Variants in C2CD5 observed in about 807,000 individuals in gnomAD.
C2CD5 encodes the protein C2 calcium dependent domain containing 5, also known as C2 domain-containing protein 5.
C2CD5 carries 109 observed loss-of-function variants against 130.3 expected under a neutral mutation model. The ratio of observed to expected loss-of-function variants is 0.84; its 90% CI spans 0.72 to 0.98. The LOEUF is 0.98. Ranked by LOEUF, C2CD5 falls within the 50% of genes least tolerant of loss-of-function variation. The pLI is 0.00. For missense variants in C2CD5, 996 were observed against 1,261.8 expected (o/e 0.79, Z 3.19); for synonymous variants, 454 against 429.2 (o/e 1.06, Z -0.71).
In C2CD5 at chr12:22,472,042, G is replaced by T; in HGVS notation, c.2193C>A (p.Ile731=). 4 of 1,590,888 alleles carry T rather than the reference G, an allele frequency of 2.5e-6. No homozygotes were observed. Among genetic ancestry groups the T allele is most frequent in the Non-Finnish European group, 3.4e-6 (4 of 1,162,820 alleles). Residue 731 remains isoleucine, a synonymous_variant, in exon 19 of 27, where the codon ATC becomes ATA. Coordinates refer to ENST00000446597, the MANE Select transcript of C2CD5 (RefSeq NM_001286176.2). ...TAGTCAGGTTGAGGCTGCTTAATCT[G>T]ATTACTCTTACTGAAGTGAACATCT... ...EIQMFTSVRV[I]RLSSLNLTNQ...
At chr12:22,455,649 C>G (rs1939684050) in intron 25 of C2CD5, among the ~76,000 whole-genome samples, 1 of 152,090 alleles carries the variant, frequency 6.6e-6, no homozygotes, top group Non-Finnish European at 1.5e-5. Context: ...GTTTATTTTT[C>G]ATCTTAACGT....
Position 22,449,896 on chromosome 12 carries a change from A to G in C2CD5, c.3025-5T>C, listed in dbSNP as rs750520529. On this transcript the variant is annotated splice_polypyrimidine_tract_variant and splice_region_variant and intron_variant, in intron 26 of 26. Transcript: ENST00000446597. Reference sequence around the variant, plus strand: ...TACATTTATAAGACACTGTGCCTATAAGAACAACAAACAGGACAGGTTCAG... The same window carrying G: ...TACATTTATAAGACACTGTGCCTATGAGAACAACAAACAGGACAGGTTCAG... The G allele has an allele frequency of 6.2e-7, 1 of 1,602,398 alleles. No homozygotes were observed. Among genetic ancestry groups the G allele is most frequent in the East Asian group, 2.2e-5 (1 of 44,756 alleles).
In C2CD5 at chr12:22,482,659, C is replaced by T. The variant is rs1944896498; in HGVS notation, c.1635G>A (p.Val545=). Residue 545 remains valine (V), a synonymous_variant, in exon 14 of 27, where the codon GTG becomes GTA. Transcript: ENST00000446597. ...SNLLPFMEYE[V]HTQLMNKLKL... is the part of the protein sequence containing the mutation. ...TTAGTTTATTCATTAGCTGAGTATG[C>T]ACTTCATATTCCATAAATGGCAAGA... 6.2e-7 allele frequency: 1 copy of T among 1,611,844 alleles called. No individual in the cohort carries two copies. The highest frequency in any genetic ancestry group is 1.3e-5 in the African/African-American group (1 of 74,990).
At chr12:22,481,648 CCTTT>C (rs1944721511) in intron 14 of C2CD5, among the ~76,000 whole-genome samples, 1 of 144,976 alleles carries the variant, frequency 6.9e-6, no homozygotes, top group Non-Finnish European at 1.5e-5. Flanking sequence ...AAGAAACACA[CCTTT>C]TTTTTTTTTT....
chr12:22,543,634 G>A (rs765764542), intron 2 of C2CD5, among the ~76,000 whole-genome samples: 1 of 152,200 alleles, frequency 6.6e-6, no homozygotes, highest in African/African-American at 2.4e-5. Flanking sequence ...CAGTGGCTGC[G>A]GGGCCACACC....
chr12:22,470,834 T>C lies in C2CD5; in HGVS notation c.2436A>G (p.Ser812=), dbSNP rs368398779. 1.9e-6 allele frequency: 3 copies of C among 1,606,924 alleles called. No homozygotes were observed. Among genetic ancestry groups the C allele is most frequent in the Non-Finnish European group, 1.7e-6 (2 of 1,174,168 alleles). The part of the protein sequence containing the change: ...LQTTKTPVEK[S]LQRASTDNEE... ...TCAGTAAAGATTTACCTCTTTGCAA[T>C]GACTTTTCAACAGGGGTTTTTGTGG... The change falls in exon 21 of 27, where the codon TCA becomes TCG. Residue 812 remains serine (S), a synonymous_variant. Coordinates refer to ENST00000446597, the MANE Select transcript of C2CD5 (RefSeq NM_001286176.2).
rs527555941 is a variant in C2CD5, at chr12:22,524,579, A to G, written c.494T>C (p.Val165Ala). 1.2e-6 allele frequency: 2 copies of G among 1,613,404 alleles called. No homozygotes were observed. Among genetic ancestry groups the G allele is most frequent in the Admixed American group, 1.7e-5 (1 of 60,010 alleles). ...CYRAVIIHGFVEELVVNEDPE... is the reference protein window; with the variant it reads ...CYRAVIIHGFAEELVVNEDPE... The stretch of plus-strand genomic sequence containing the variant: ...GTCTTCATTGACCACAAGTTCTTCT[A>G]CAAATCCATGAATTATCACAGCTCT... Residue 165 changes from valine to alanine, a missense_variant, in exon 6 of 27, where the codon GTA becomes GCA. Val to Ala is a moderately conservative substitution (Grantham distance 64). Coordinates refer to ENST00000446597, the MANE Select transcript of C2CD5 (RefSeq NM_001286176.2).
At chr12:22,506,494 C>G (rs1948551289) in intron 10 of C2CD5, among the ~76,000 whole-genome samples, 3 of 151,840 alleles carry the variant, frequency 2.0e-5, no homozygotes, top group Admixed American at 2.0e-4. Context: ...ATATTGTGAC[C>G]AAAAATAAAT....
intron 21 of C2CD5, 28 bp downstream of exon 21, chr12:22,470,796 C>G: frequency 2.1e-6 from 3 of 1,396,276 alleles, no homozygotes; most frequent in Non-Finnish European, 3.0e-6. Context: ...CAAACACAAA[C>G]TGAACTTCCT....
In C2CD5 at chr12:22,524,647, T is replaced by G; in HGVS notation, c.446-20A>C. ...ACGTTGCTGTTAAAACAAATTATTA[T>G]GCTTCTGTTTATCAAAAGGTAAAAC... On this transcript the variant is annotated intron_variant, in intron 5 of 26. Transcript: ENST00000446597. 6.3e-7 allele frequency: 1 copy of G among 1,590,112 alleles called. No individual in the cohort carries two copies. The highest frequency in any genetic ancestry group is 1.3e-5 in the African/African-American group (1 of 74,076).
At chr12:22,489,703 A>G (rs1335832915) in intron 12 of C2CD5, among the ~76,000 whole-genome samples, 2 of 152,172 alleles carry the variant, frequency 1.3e-5, no homozygotes, top group African/African-American at 4.8e-5. Context: ...GATAATCTTG[A>G]TAAAATGCAG....
At position 22,524,561 on chromosome 12, in the gene C2CD5, T is replaced by C. The variant is rs757050003; in HGVS notation, c.512A>G (p.Asn171Ser). Residue 171 changes from asparagine (N) to serine (S), a missense_variant, in exon 6 of 27, where the codon AAT (asparagine) becomes AGT (serine). Around this residue, in one of 9 missense-constraint regions of C2CD5, gnomAD observed 49 missense variants for 52.0 expected, o/e 0.94. Coordinates refer to ENST00000446597, the MANE Select transcript of C2CD5 (RefSeq NM_001286176.2). ...IHGFVEELVV[N>S]EDPEYQWIDR... The stretch of plus-strand genomic sequence containing the variant: ...AATCCACTGATATTCTGGGTCTTCA[T>C]TGACCACAAGTTCTTCTACAAATCC... 89 of 1,613,480 alleles carry C rather than the reference T, an allele frequency of 5.5e-5. No homozygotes were observed. The highest frequency in any genetic ancestry group is 6.6e-5 in the Non-Finnish European group (78 of 1,179,526).
At chr12:22,461,735 A>G (rs1224332379) in intron 22 of C2CD5, among the ~76,000 whole-genome samples, 1 of 152,180 alleles carries the variant, frequency 6.6e-6, no homozygotes, top group Non-Finnish European at 1.5e-5. Context: ...AAATTTATAT[A>G]AAGGATGAAG....
At chr12:22,517,148 T>C (rs889162060) in intron 8 of C2CD5, among the ~76,000 whole-genome samples, 1 of 151,914 alleles carries the variant, frequency 6.6e-6, no homozygotes, top group Non-Finnish European at 1.5e-5. Context: ...TTTTCTAACA[T>C]ACATATAGGG....
intron 9 of C2CD5, among the ~76,000 whole-genome samples, chr12:22,507,561 A>G (rs552726083): frequency 1.3e-5 from 2 of 152,356 alleles, no homozygotes; most frequent in Admixed American, 6.5e-5. Context: ...AAAGAGAAAC[A>G]CAAAAAAGAC....
At position 22,506,632 on chromosome 12, in the gene C2CD5, G is replaced by C; in HGVS notation, c.1147+79C>G. ...TCATTTCTCTTTTCAGTTAGATTTG[G>C]CTTTAAAAAAATCATAAAAATCAAT... On this transcript the variant is annotated intron_variant, in intron 10 of 26. Transcript: ENST00000446597. 7.5e-6 allele frequency: 6 copies of C among 800,466 alleles called. No homozygotes were observed. The Middle Eastern group carries it at 1.2e-3, about 156-fold the overall frequency. 49.6% of individuals were successfully genotyped at this position (800,466 alleles called of 1,614,324 possible). A position where few individuals can be genotyped will look rare whatever the true frequency, so the allele number is the denominator to read the frequency against.
At chr12:22,517,699 T>C (rs1949876601) in intron 8 of C2CD5, among the ~76,000 whole-genome samples, 1 of 152,210 alleles carries the variant, frequency 6.6e-6, no homozygotes, top group Non-Finnish European at 1.5e-5. Context: ...TTTTAAGATG[T>C]TATTCCTTTT....
intron 10 of C2CD5, among the ~76,000 whole-genome samples, chr12:22,498,772 T>C (rs1329563886): frequency 1.3e-5 from 2 of 152,200 alleles, no homozygotes; most frequent in African/African-American, 2.4e-5. Context: ...AAAGGCTATC[T>C]GGTGTTAAAC....
At chr12:22,522,224 T>C (rs1950334109) in intron 7 of C2CD5, among the ~76,000 whole-genome samples, 1 of 152,118 alleles carries the variant, frequency 6.6e-6, no homozygotes, top group Non-Finnish European at 1.5e-5. Context: ...AATCTCTAGA[T>C]GAGTGGTCTT....
Sources: gnomAD v4.1 joint callset for allele counts (sites outside exome capture counted in the v4.1 genomes callset) on GRCh38, gnomAD v4.1.1 for gene constraint, gnomAD v4.1.1 regional missense constraint, MANE v1.5 for transcripts, NCBI Gene and HGNC (gene_info 2026-07-23, HGNC 2026-07-21) for gene names.